Variants in NR2C2 observed in about 807,000 individuals in gnomAD.
The protein encoded by NR2C2 is nuclear receptor subfamily 2 group C member 2.
In NR2C2, 6 loss-of-function variants were observed where a neutral mutation model predicts 62.9. The ratio of observed to expected loss-of-function variants is 0.10; its 90% CI spans 0.05 to 0.19. The LOEUF is 0.19. NR2C2 is among the 10% of genes least tolerant of loss of function. The probability of loss-of-function intolerance (pLI) is 1.00; values close to 1 mark genes in which losing one functional copy is unlikely to be tolerated. For missense variants in NR2C2, 479 were observed against 762.7 expected (o/e 0.63, Z 4.38); for synonymous variants, 272 against 273.8 (o/e 0.99, Z 0.07).
At chr3:15,033,054 T>C (rs1053749409) in intron 10 of NR2C2, among the ~76,000 whole-genome samples, 3 of 151,888 alleles carry the variant, frequency 2.0e-5, no homozygotes, top group Non-Finnish European at 4.4e-5. Flanking sequence ...TGCCAAGTGC[T>C]GTGCAGCTGG....
At chr3:15,015,549 C>G (rs1474281663) in intron 3 of NR2C2, among the ~76,000 whole-genome samples, 1 of 152,184 alleles carries the variant, frequency 6.6e-6, no homozygotes, top group Non-Finnish European at 1.5e-5. Flanking sequence ...CATTTTGAAG[C>G]CTCTGTGTGT....
intron 2 of NR2C2, 152 bp downstream of exon 2, chr3:15,004,138 G>A: frequency 1.5e-6 from 1 of 648,090 alleles, no homozygotes; most frequent in Non-Finnish European, 2.5e-6. Flanking sequence ...AAGAAAAAAT[G>A]CTTACATTTA....
In NR2C2 at chr3:15,047,000, G is replaced by GT. The variant is rs2042478221; in HGVS notation, c.*3993dup. 6.6e-6 allele frequency: 1 copy of GT among 152,628 alleles called. No homozygotes were observed. Among genetic ancestry groups the GT allele is most frequent in the African/African-American group, 2.4e-5 (1 of 41,430 alleles). The allele number at this position is 152,628 out of a possible 1,614,324, so 9.5% of individuals were successfully genotyped here. A position where few individuals can be genotyped will look rare whatever the true frequency, so the allele number is the denominator to read the frequency against. The stretch of plus-strand genomic sequence containing the variant: ...GTGCACTTCGTATGTCCAGCCCTGG[G>GT]TCCCTTCAGCAGCATTGTGCGTGTA... On this transcript the variant is annotated 3_prime_UTR_variant, in exon 14 of 14. Transcript: ENST00000425241.
chr3:15,000,252 G>A (rs1395725899), intron 1 of NR2C2, among the ~76,000 whole-genome samples: 5 of 151,984 alleles, frequency 3.3e-5, no homozygotes, highest in African/African-American at 1.2e-4. Context: ...CCACATTTAA[G>A]TAAGAACATG....
chr3:14,992,031 C>T (rs1172901464), intron 1 of NR2C2, among the ~76,000 whole-genome samples: 1 of 152,092 alleles, frequency 6.6e-6, no homozygotes, highest in East Asian at 1.9e-4. Context: ...CTCGCCCTCC[C>T]AAACTGCTGT....
intron 1 of NR2C2, chr3:14,948,159 T>G (rs113928386): frequency 6.6e-6 from 1 of 151,774 alleles, no homozygotes; most frequent in Non-Finnish European, 1.5e-5. Flanking sequence ...GGAGGGGGAA[T>G]GGCCGCGGCC....
intron 2 of NR2C2, among the ~76,000 whole-genome samples, chr3:15,008,177 TACTCAATTTTTA>T (rs2041244244): frequency 6.6e-6 from 1 of 151,986 alleles, no homozygotes; most frequent in Admixed American, 6.6e-5. Flanking sequence ...TTATGGGAAA[TACTCAATTTTTA>T]GATGTTAGCA....
chr3:15,007,369 C>T (rs1209647009), intron 2 of NR2C2, among the ~76,000 whole-genome samples: 3 of 148,412 alleles, frequency 2.0e-5, no homozygotes, highest in African/African-American at 5.0e-5. Context: ...CCTTATGATC[C>T]GCCTGCCTCG....
intron 2 of NR2C2, among the ~76,000 whole-genome samples, chr3:15,007,095 G>A (rs1362823897): frequency 6.8e-6 from 1 of 147,876 alleles, no homozygotes; most frequent in East Asian, 2.0e-4. Flanking sequence ...CATCTTAAAT[G>A]TCACCTTGTC....
At chr3:15,029,792 A>G (rs948117387) in intron 8 of NR2C2, among the ~76,000 whole-genome samples, 4 of 139,304 alleles carry the variant, frequency 2.9e-5, no homozygotes, top group East Asian at 2.1e-4. Context: ...GTAAATAAAT[A>G]ATAGATAGAT....
intron 13 of NR2C2, among the ~76,000 whole-genome samples, chr3:15,040,254 G>A (rs1272720609): frequency 6.6e-6 from 1 of 152,168 alleles, no homozygotes; most frequent in African/African-American, 2.4e-5. Context: ...GAATGCATTG[G>A]CAGGCTTTCC....
chr3:15,039,376 TTG>T (rs1476233933), intron 13 of NR2C2, 149 bp downstream of exon 13: 2 of 638,976 alleles, frequency 3.1e-6, no homozygotes, highest in Non-Finnish European at 5.6e-6. Context: ...TGAGTTTTCT[TTG>T]TTTTTTCCAA....
rs2042336710 is a variant in NR2C2 at position 15,043,313 on chromosome 3, G to GA, written c.*306dup. On this transcript the variant is annotated 3_prime_UTR_variant, in exon 14 of 14. Coordinates refer to ENST00000425241, the MANE Select transcript of NR2C2 (RefSeq NM_001291694.2). ...AAAAAAAAGGTTTTATAATGTCAGAGACTAGTATTAAAGAAAACTGAAAGA... is the reference window on the plus strand; with the variant it reads ...AAAAAAAAGGTTTTATAATGTCAGAGAACTAGTATTAAAGAAAACTGAAAGA... 5.1e-6 allele frequency: 1 copy of GA among 195,430 alleles called. No homozygotes were observed. Among genetic ancestry groups the GA allele is most frequent in the Admixed American group, 5.8e-5 (1 of 17,326 alleles). The allele number at this position is 195,430 out of a possible 1,614,324, so 12.1% of individuals were successfully genotyped here.
intron 1 of NR2C2, among the ~76,000 whole-genome samples, chr3:14,996,108 A>G (rs1159773055): frequency 6.6e-6 from 1 of 152,198 alleles, no homozygotes; most frequent in African/African-American, 2.4e-5. Flanking sequence ...ATTTTCTCCC[A>G]TTGTATCAGT....
At chr3:14,992,357 G>A (rs1403409991) in intron 1 of NR2C2, among the ~76,000 whole-genome samples, 2 of 152,094 alleles carry the variant, frequency 1.3e-5, no homozygotes, top group Non-Finnish European at 1.5e-5. Flanking sequence ...CAGGTGTTGT[G>A]CTGTACCTCC....
intron 7 of NR2C2, among the ~76,000 whole-genome samples, chr3:15,027,963 ATTCTCCTTC>A (rs1407900551): frequency 6.6e-6 from 1 of 151,422 alleles, no homozygotes; most frequent in Non-Finnish European, 1.5e-5. Context: ...GGTTCAAGTG[ATTCTCCTTC>A]TTCAGCCTCC....
chr3:15,023,132 T>G (rs2041724387), intron 5 of NR2C2, 68 bp from the exon 6 acceptor site: 14 of 1,560,212 alleles, frequency 9.0e-6, no homozygotes, highest in Non-Finnish European at 1.1e-5. Flanking sequence ...GGATTTGGGG[T>G]TTTCCCTTGT....
intron 1 of NR2C2, among the ~76,000 whole-genome samples, chr3:14,976,744 G>A (rs904028135): frequency 6.6e-6 from 1 of 151,418 alleles, no homozygotes; most frequent in African/African-American, 2.4e-5. Context: ...AGTTTGATGA[G>A]GAATAGAAAT....
At chr3:14,957,943 A>G (rs934242118) in intron 1 of NR2C2, among the ~76,000 whole-genome samples, 5 of 152,054 alleles carry the variant, frequency 3.3e-5, no homozygotes, top group Admixed American at 1.3e-4. Context: ...TTCCTCAAAT[A>G]TGCCACTCTT....
Sources: allele counts gnomAD v4.1 joint callset (sites outside exome capture counted in the v4.1 genomes callset), GRCh38; gene constraint gnomAD v4.1.1; transcripts MANE v1.5; gene names NCBI Gene and HGNC (gene_info 2026-07-23, HGNC 2026-07-21).